SPEF2: variants seen among roughly 807,000 people sequenced by gnomAD.
The protein encoded by SPEF2 is sperm flagellar and cilia associated 2.
In SPEF2, 187 loss-of-function variants were observed where a neutral mutation model predicts 224.6. That is an observed-to-expected ratio of 0.83 (90% CI 0.74 to 0.94). SPEF2 has a LOEUF of 0.94. SPEF2 is among the 40% of genes least tolerant of loss of function. The pLI is 0.00. For synonymous variants in SPEF2, 715 were observed against 707.3 expected (o/e 1.01, Z -0.17); for missense variants, 2,170 against 2,135.6 (o/e 1.02, Z -0.32).
chr5:35,800,214 C>T, intron 34 of SPEF2, 67 bp downstream of exon 34: 1 of 1,511,520 alleles, frequency 6.6e-7, no homozygotes, highest in East Asian at 2.3e-5. Context: ...CCTAAACTGA[C>T]AACAAGGACT....
At chr5:35,714,524 T>C (rs1742122298) in intron 20 of SPEF2, among the ~76,000 whole-genome samples, 1 of 151,854 alleles carries the variant, frequency 6.6e-6, no homozygotes, top group Non-Finnish European at 1.5e-5. Flanking sequence ...TTTTATTGAT[T>C]TTTTTTATTG....
intron 2 of SPEF2, among the ~76,000 whole-genome samples, chr5:35,631,508 T>C (rs1745127337): frequency 1.3e-5 from 2 of 152,208 alleles, no homozygotes; most frequent in African/African-American, 2.4e-5. Context: ...CCTCTTACAA[T>C]GTTAGTGTGA....
intron 6 of SPEF2, among the ~76,000 whole-genome samples, chr5:35,650,929 G>A (rs73747500): frequency 0.021 from 3,132 of 152,252 alleles, 126 homozygotes; most frequent in African/African-American, 0.072. Context: ...AGTGTATGCT[G>A]TAGCTCCAGG....
At chr5:35,644,208 T>G in intron 3 of SPEF2, 147 bp from the exon 4 acceptor site, 1 of 600,342 alleles carries the variant, frequency 1.7e-6, no homozygotes, top group South Asian at 3.8e-5. Context: ...AGAATATGAG[T>G]AATTGGAATG....
In SPEF2 at chr5:35,787,818, G is replaced by A. The variant is rs1193655670; in HGVS notation, c.4448-4522G>A. Reference sequence around the variant, plus strand: ...GGGTCAGAGATTAAGCAAAACTGAGGGTAGAAATTGGGATTACTTAAAATA... The same window carrying A: ...GGGTCAGAGATTAAGCAAAACTGAGAGTAGAAATTGGGATTACTTAAAATA... On this transcript the variant is annotated intron_variant, in intron 30 of 36. Coordinates refer to ENST00000356031, the MANE Select transcript of SPEF2 (RefSeq NM_024867.4). 1.6e-5 allele frequency: 9 copies of A among 550,232 alleles called. No individual in the cohort carries two copies. The South Asian group carries it at 2.0e-4, about 12-fold the overall frequency. The allele number at this position is 550,232 out of a possible 1,614,324, so 34.1% of individuals were successfully genotyped here.
chr5:35,627,081 A>G (rs1744364659), intron 1 of SPEF2, among the ~76,000 whole-genome samples: 1 of 148,818 alleles, frequency 6.7e-6, no homozygotes, highest in Non-Finnish European at 1.5e-5. Context: ...TATATTTAAT[A>G]TAATATGTTA....
At chr5:35,741,313 A>C (rs1747601858) in intron 23 of SPEF2, among the ~76,000 whole-genome samples, 1 of 152,258 alleles carries the variant, frequency 6.6e-6, no homozygotes, top group African/African-American at 2.4e-5. Context: ...ACATTTGAAC[A>C]GACTGACAAC....
intron 30 of SPEF2, among the ~76,000 whole-genome samples, chr5:35,783,178 A>G (rs2149808596): frequency 6.6e-6 from 1 of 152,346 alleles, no homozygotes; most frequent in East Asian, 1.9e-4. Context: ...CCAATTTGGC[A>G]TGGTCACTAT....
At position 35,621,388 on chromosome 5, in the gene SPEF2, A is replaced by AGGT. The variant is rs1743491311; in HGVS notation, c.58+3335_58+3336insTGG. On this transcript the variant is annotated intron_variant, in intron 1 of 36. Coordinates refer to ENST00000356031, the MANE Select transcript of SPEF2 (RefSeq NM_024867.4). ...GCCCTGGATGTTCAGGTGAGTCAGG[A>AGGT]GGAGAGGGCTTAGTAATTTGTTCAA... Among the ~76,000 whole-genome samples, 3 of 151,892 alleles carry AGGT rather than the reference A, an allele frequency of 2.0e-5. No individual in the cohort carries two copies. The South Asian group carries it at 6.2e-4, about 31-fold the overall frequency.
intron 20 of SPEF2, 88 bp downstream of exon 20, chr5:35,712,974 T>A: frequency 8.6e-7 from 1 of 1,156,770 alleles, no homozygotes; most frequent in Non-Finnish European, 1.2e-6. Context: ...TATAGTAGTA[T>A]ACATTGACCA....
At chr5:35,726,332 A>G (rs7447119) in intron 20 of SPEF2, among the ~76,000 whole-genome samples, 89,785 of 152,058 alleles carry the variant, frequency 0.59, 28,093 homozygotes, top group Middle Eastern at 0.74. Context: ...AGATAAATTC[A>G]TTTTAAATTG....
rs73078244 is a variant in SPEF2, at chr5:35,620,570, A to G, written c.58+2515A>G. Among the ~76,000 whole-genome samples, 1,067 of 152,302 alleles carry G rather than the reference A, an allele frequency of 7.0e-3. 14 individuals are homozygous for G. The highest frequency in any genetic ancestry group is 0.025 in the African/African-American group (1,032 of 41,562). ...AGCACCAATATATAAGGATATTTGA[A>G]CAAAGACGTTTATTGCTACATGAAT... On this transcript the variant is annotated intron_variant, in intron 1 of 36. Coordinates refer to ENST00000356031, the MANE Select transcript of SPEF2 (RefSeq NM_024867.4).
At chr5:35,803,808 A>G (rs930670878) in intron 34 of SPEF2, among the ~76,000 whole-genome samples, 1 of 152,174 alleles carries the variant, frequency 6.6e-6, no homozygotes, top group Admixed American at 6.5e-5. Flanking sequence ...AACAACTGGA[A>G]ATCTCCCCAG....
intron 36 of SPEF2, among the ~76,000 whole-genome samples, chr5:35,811,897 G>C (rs545545703): frequency 6.6e-6 from 1 of 150,466 alleles, no homozygotes; most frequent in South Asian, 2.1e-4. Flanking sequence ...CCATTCTCCT[G>C]CCTCAGCCTC....
At chr5:35,699,459 G>T (rs10045110) in intron 15 of SPEF2, 7 of 152,112 alleles carry the variant, frequency 4.6e-5, no homozygotes, top group African/African-American at 1.7e-4. Context: ...GCACTTCAGC[G>T]TCCTATAATC....
intron 2 of SPEF2, among the ~76,000 whole-genome samples, chr5:35,638,657 A>T (rs1378036095): frequency 6.6e-6 from 1 of 152,152 alleles, no homozygotes; most frequent in African/African-American, 2.4e-5. Flanking sequence ...TTATCAAGTT[A>T]TAATTATTTA....
chr5:35,771,065 AT>A (rs1325425080), intron 26 of SPEF2, among the ~76,000 whole-genome samples: 1 of 152,184 alleles, frequency 6.6e-6, no homozygotes, highest in Non-Finnish European at 1.5e-5. Context: ...GCCGAGGGTG[AT>A]GAATATATGT....
At chr5:35,762,331 G>A (rs1751420469) in intron 25 of SPEF2, among the ~76,000 whole-genome samples, 1 of 152,156 alleles carries the variant, frequency 6.6e-6, no homozygotes, top group Non-Finnish European at 1.5e-5. Flanking sequence ...AAAAATACAT[G>A]TTGTACTGTA....
At chr5:35,797,667 A>G (rs1371644250) in intron 33 of SPEF2, among the ~76,000 whole-genome samples, 1 of 152,200 alleles carries the variant, frequency 6.6e-6, no homozygotes, top group Non-Finnish European at 1.5e-5. Context: ...CAGGTTAACT[A>G]TACATGGTTA....
Sources: allele counts gnomAD v4.1 joint callset (sites outside exome capture counted in the v4.1 genomes callset), GRCh38; gene constraint gnomAD v4.1.1; transcripts MANE v1.5; gene names NCBI Gene and HGNC (gene_info 2026-07-23, HGNC 2026-07-21).